Variants in KHDRBS2 observed in about 807,000 individuals in gnomAD.
The protein encoded by KHDRBS2 is KH domain-containing, RNA-binding, signal transduction-associated protein 2.
KHDRBS2 carries 26 observed loss-of-function variants against 44.3 expected under a neutral mutation model. The observed-to-expected ratio is 0.59, with a 90% CI of 0.43 to 0.81. The LOEUF (loss-of-function observed/expected upper bound fraction) is 0.81, where lower values mean the gene tolerates loss of function less well. Ranked by LOEUF, KHDRBS2 falls within the 40% of genes least tolerant of loss-of-function variation. KHDRBS2 has a pLI of 0.00. For missense variants in KHDRBS2, 476 were observed against 433.1 expected (o/e 1.10, Z -0.88); for synonymous variants, 194 against 151.1 (o/e 1.28, Z -2.08).
chr6:61,835,163 G>A (rs1792451926), intron 6 of KHDRBS2, among the ~76,000 whole-genome samples: 1 of 152,000 alleles, frequency 6.6e-6, no homozygotes, highest in Non-Finnish European at 1.5e-5. Flanking sequence ...TTTTAACCTT[G>A]GAGAGATGCA....
chr6:61,545,995 G>T, the KHDRBS2 span, among the ~76,000 whole-genome samples: 1 of 152,084 alleles, frequency 6.6e-6, no homozygotes, highest in African/African-American at 2.4e-5. Flanking sequence ...AATTTCTGTT[G>T]TTTAAGCCAT....
the KHDRBS2 span, among the ~76,000 whole-genome samples, chr6:61,598,334 T>A: frequency 3.4e-5 from 5 of 145,128 alleles, 1 homozygote; most frequent in Admixed American, 3.4e-4. Context: ...AGGCCCTTTA[T>A]GGCTTTAACC....
intron 1 of KHDRBS2, among the ~76,000 whole-genome samples, chr6:62,180,905 T>C (rs1822130662): frequency 6.6e-6 from 1 of 151,722 alleles, no homozygotes; most frequent in East Asian, 1.9e-4. Flanking sequence ...TGTTCAATTG[T>C]TCTTTGACAC....
chr6:61,696,118 A>C (rs750129865), intron 8 of KHDRBS2, among the ~76,000 whole-genome samples: 2 of 151,972 alleles, frequency 1.3e-5, no homozygotes, highest in Admixed American at 6.6e-5. Flanking sequence ...AGTAGCTAGG[A>C]CTACAGTCAT....
At chr6:61,657,849 AG>A in the KHDRBS2 span, among the ~76,000 whole-genome samples, 2 of 151,962 alleles carry the variant, frequency 1.3e-5, no homozygotes, top group African/African-American at 4.8e-5. Context: ...AAAACCTAAA[AG>A]CTTTCTCCTA....
chr6:61,809,889 T>C (rs751252918), intron 6 of KHDRBS2, among the ~76,000 whole-genome samples: 12 of 152,300 alleles, frequency 7.9e-5, no homozygotes, highest in African/African-American at 1.7e-4. Flanking sequence ...ATTGTGAAGA[T>C]TCATAATGTA....
intron 3 of KHDRBS2, among the ~76,000 whole-genome samples, chr6:62,047,322 T>C (rs1034834416): frequency 1.3e-5 from 2 of 151,938 alleles, no homozygotes; most frequent in Admixed American, 6.6e-5. Context: ...ATAAATCATT[T>C]CAAACATCAA....
rs143414235 is a variant in KHDRBS2 at position 62,088,272 on chromosome 6, G to A, written c.220-40278C>T. On this transcript the variant is annotated intron_variant, in intron 2 of 8. Coordinates refer to ENST00000281156, the MANE Select transcript of KHDRBS2 (RefSeq NM_152688.4). ...GGAGTTGTGATCTTTTGGAGGAGAA[G>A]AGGCATTCTGGCTTTTGGAATTTTC... 4.9e-3 allele frequency among the ~76,000 whole-genome samples: 749 copies of A among 152,288 alleles called. 8 individuals are homozygous for A. Among genetic ancestry groups the A allele is most frequent in the African/African-American group, 0.017 (710 of 41,570 alleles).
chr6:61,860,424 A>C (rs894305344), intron 6 of KHDRBS2, among the ~76,000 whole-genome samples: 2 of 151,922 alleles, frequency 1.3e-5, no homozygotes, highest in African/African-American at 4.8e-5. Flanking sequence ...CAATGTGTCC[A>C]TGTGCTCTCA....
At chr6:62,082,846 C>T (rs888053997) in intron 2 of KHDRBS2, among the ~76,000 whole-genome samples, 2 of 152,124 alleles carry the variant, frequency 1.3e-5, no homozygotes, top group African/African-American at 2.4e-5. Flanking sequence ...CAGCTGAAGT[C>T]CTCCATGTTC....
chr6:61,610,062 G>A, the KHDRBS2 span, among the ~76,000 whole-genome samples: 1 of 152,050 alleles, frequency 6.6e-6, no homozygotes, highest in Non-Finnish European at 1.5e-5. Flanking sequence ...TGTAGTCCCA[G>A]CTACTCGGGA....
chr6:61,613,229 A>G, the KHDRBS2 span, among the ~76,000 whole-genome samples: 2 of 152,160 alleles, frequency 1.3e-5, no homozygotes, highest in Non-Finnish European at 2.9e-5. Context: ...TCAGGAGACC[A>G]AGAACCTTGT....
chr6:62,191,324 C>T (rs1343548123), intron 1 of KHDRBS2, among the ~76,000 whole-genome samples: 1 of 152,080 alleles, frequency 6.6e-6, no homozygotes, highest in East Asian at 1.9e-4. Context: ...GCAAACGATA[C>T]TCTCAAAGTC....
chr6:61,952,387 TC>T (rs1027538066), intron 4 of KHDRBS2, among the ~76,000 whole-genome samples: 1 of 152,098 alleles, frequency 6.6e-6, no homozygotes, highest in Non-Finnish European at 1.5e-5. Flanking sequence ...TTCCACCTAA[TC>T]TTTTTTCTAT....
chr6:61,967,737 A>G (rs1770365336), intron 4 of KHDRBS2, among the ~76,000 whole-genome samples: 1 of 151,262 alleles, frequency 6.6e-6, no homozygotes, highest in African/African-American at 2.4e-5. Flanking sequence ...ACTGTCTAGG[A>G]CTCACAGTTC....
At chr6:61,815,957 A>T (rs1236493871) in intron 6 of KHDRBS2, among the ~76,000 whole-genome samples, 1 of 152,132 alleles carries the variant, frequency 6.6e-6, no homozygotes. Context: ...TGTGGGAAGG[A>T]TTTTCAACCA....
intron 2 of KHDRBS2, among the ~76,000 whole-genome samples, chr6:62,064,253 C>G (rs893221842): frequency 1.4e-5 from 2 of 147,626 alleles, no homozygotes; most frequent in African/African-American, 5.0e-5. Context: ...CTACCAATGA[C>G]TTTCTTCACA....
At chr6:61,560,621 C>T in the KHDRBS2 span, among the ~76,000 whole-genome samples, 1 of 152,058 alleles carries the variant, frequency 6.6e-6, no homozygotes, top group South Asian at 2.1e-4. Context: ...TTCAGTATTC[C>T]AATTGCATTT....
At chr6:62,022,042 A>T (rs747875078) in intron 3 of KHDRBS2, among the ~76,000 whole-genome samples, 15 of 150,410 alleles carry the variant, frequency 1.0e-4, no homozygotes, top group African/African-American at 1.7e-4. Context: ...ATATATATAT[A>T]TATATTCTGT....
Sources: allele counts gnomAD v4.1 joint callset (sites outside exome capture counted in the v4.1 genomes callset), GRCh38; gene constraint gnomAD v4.1.1; transcripts MANE v1.5; gene names NCBI Gene and HGNC (gene_info 2026-07-23, HGNC 2026-07-21).